The following KLF8 variants were observed in gnomAD, a reference collection of about 807,000 sequenced individuals.
KLF8 encodes KLF transcription factor 8.
In KLF8, 10 loss-of-function variants were observed where a neutral mutation model predicts 18.2. The observed-to-expected ratio is 0.55, with a 90% CI of 0.34 to 0.93. KLF8 has a LOEUF of 0.93. Among genes scored for constraint, KLF8 ranks in the 40% least tolerant of loss-of-function variants. The pLI is 0.02. For synonymous variants in KLF8, 109 were observed against 97.3 expected (o/e 1.12, Z -0.71); for missense variants, 264 against 277.9 (o/e 0.95, Z 0.36).
At chrX:56,059,343 G>A in the KLF8 span, among the ~76,000 whole-genome samples, 1 of 111,866 alleles carries the variant, frequency 8.9e-6, no homozygotes, top group African/African-American at 3.2e-5. Flanking sequence ...CTGTGAAGAA[G>A]CTCTTTAGTT....
chrX:55,979,081 A>T, the KLF8 span, among the ~76,000 whole-genome samples: 2 of 32,321 alleles, frequency 6.2e-5, no homozygotes, highest in African/African-American at 1.1e-4. Flanking sequence ...AATCTGAAGC[A>T]TATAGGGCGA....
At chrX:56,120,074 T>G in the KLF8 span, among the ~76,000 whole-genome samples, 1 of 111,078 alleles carries the variant, frequency 9.0e-6, no homozygotes, top group East Asian at 2.8e-4. Flanking sequence ...GAATCTACAA[T>G]GTAAGTCCCA....
intron 2 of KLF8, among the ~76,000 whole-genome samples, chrX:56,253,410 T>C (rs1197157204): frequency 3.6e-5 from 4 of 112,230 alleles, no homozygotes; most frequent in African/African-American, 1.3e-4. Flanking sequence ...AGGGTTCTGG[T>C]TTCATTTTTC....
At chrX:55,996,999 A>C in the KLF8 span, among the ~76,000 whole-genome samples, 1 of 112,031 alleles carries the variant, frequency 8.9e-6, no homozygotes, top group African/African-American at 3.2e-5. Flanking sequence ...GCACTCACCC[A>C]CAAAGCAGTG....
At chrX:56,164,209 T>G in the KLF8 span, among the ~76,000 whole-genome samples, 2 of 102,907 alleles carry the variant, frequency 1.9e-5, no homozygotes, top group African/African-American at 7.0e-5. Flanking sequence ...CATTCAACTT[T>G]AATTTTTAAG....
chrX:55,912,463 C>G, the KLF8 span, among the ~76,000 whole-genome samples: 2 of 111,482 alleles, frequency 1.8e-5, 1 homozygote, highest in South Asian at 7.6e-4. Flanking sequence ...GAGTATATGG[C>G]TTTTTAAATT....
chrX:56,046,774 G>C, the KLF8 span, among the ~76,000 whole-genome samples: 1 of 111,111 alleles, frequency 9.0e-6, no homozygotes, highest in Non-Finnish European at 1.9e-5. Flanking sequence ...ATTTTTTATA[G>C]GTTACCTGAT....
the KLF8 span, among the ~76,000 whole-genome samples, chrX:55,968,366 G>A: frequency 1.8e-5 from 2 of 112,066 alleles, no homozygotes; most frequent in Non-Finnish European, 3.8e-5. Context: ...ACTTCTCCTA[G>A]AAAGACACAC....
At chrX:55,991,625 C>T in the KLF8 span, among the ~76,000 whole-genome samples, 1 of 111,935 alleles carries the variant, frequency 8.9e-6, no homozygotes, top group Non-Finnish European at 1.9e-5. Context: ...GGAGCTGTTC[C>T]TATTCAGCCA....
rs748727974 is a variant in KLF8, at chrX:56,282,490, A to T, written c.899-1823A>T. 1.7e-4 allele frequency among the ~76,000 whole-genome samples: 19 copies of T among 112,364 alleles called. No homozygotes were observed. The East Asian group carries it at 3.6e-3, about 21-fold the overall frequency. ...TGCCTTGATATAGTCCAAAGCTGTG[A>T]TTCAGACTGGATTTCATTCTGTTGC... On this transcript the variant is annotated intron_variant, in intron 5 of 5. Transcript: ENST00000468660.
At chrX:55,953,860 ATGT>A in the KLF8 span, among the ~76,000 whole-genome samples, 2 of 110,542 alleles carry the variant, frequency 1.8e-5, no homozygotes, top group African/African-American at 3.3e-5. Context: ...ATAAATGTAA[ATGT>A]TGTTATTTGG....
chrX:56,236,961 G>GGA (rs1491302674), intron 1 of KLF8, among the ~76,000 whole-genome samples: 2 of 75,226 alleles, frequency 2.7e-5, no homozygotes, highest in Non-Finnish European at 4.8e-5. Flanking sequence ...ATAGATAGAT[G>GGA]GATATATATA....
intron 5 of KLF8, among the ~76,000 whole-genome samples, chrX:56,271,683 T>C (rs1473216350): frequency 1.8e-5 from 2 of 111,773 alleles, no homozygotes; most frequent in Non-Finnish European, 3.8e-5. Flanking sequence ...ATGTATTTGT[T>C]TGCTTCTCTT....
chrX:56,231,442 T>C (rs991867428), upstream of KLF8, among the ~76,000 whole-genome samples: 1 of 112,068 alleles, frequency 8.9e-6, no homozygotes, highest in Non-Finnish European at 1.9e-5. Context: ...TGGGGAAATG[T>C]TGAATGTAAA....
At chrX:56,112,183 G>A in the KLF8 span, among the ~76,000 whole-genome samples, 3 of 111,763 alleles carry the variant, frequency 2.7e-5, no homozygotes, top group African/African-American at 9.8e-5. Flanking sequence ...TCCTTTGCAG[G>A]GATGTGGATG....
At chrX:55,959,318 A>T in the KLF8 span, among the ~76,000 whole-genome samples, 7 of 112,225 alleles carry the variant, frequency 6.2e-5, no homozygotes, top group African/African-American at 2.3e-4. Context: ...CACACAGATG[A>T]TAGAGAACCA....
the KLF8 span, among the ~76,000 whole-genome samples, chrX:55,986,116 C>T: frequency 3.6e-5 from 4 of 111,215 alleles, no homozygotes; most frequent in African/African-American, 9.8e-5. Context: ...TCTTTATATT[C>T]GAATACCTTT....
the KLF8 span, among the ~76,000 whole-genome samples, chrX:56,045,684 G>T: frequency 4.5e-5 from 5 of 111,790 alleles, no homozygotes; most frequent in African/African-American, 1.6e-4. Flanking sequence ...AAGGGGTTCA[G>T]TTCTTGATTT....
At chrX:56,071,183 A>T in the KLF8 span, among the ~76,000 whole-genome samples, 9 of 111,624 alleles carry the variant, frequency 8.1e-5, no homozygotes, top group Admixed American at 4.7e-4. Flanking sequence ...ATTTTTCAAG[A>T]CTGAATTTGA....
Sources: allele counts gnomAD v4.1 joint callset (sites outside exome capture counted in the v4.1 genomes callset), GRCh38; gene constraint gnomAD v4.1.1; transcripts MANE v1.5; gene names NCBI Gene and HGNC (gene_info 2026-07-23, HGNC 2026-07-21).